Variants in SPRYD4 observed in about 807,000 individuals in gnomAD.
SPRYD4 encodes the protein SPRY domain containing 4, also known as SPRY domain-containing protein 4.
SPRYD4 carries 12 observed loss-of-function variants against 16.6 expected under a neutral mutation model. The observed-to-expected ratio is 0.72, with a 90% CI of 0.46 to 1.17. The LOEUF is 1.17. Ranked by LOEUF, SPRYD4 falls within the 50% of genes most tolerant of loss-of-function variation. The pLI is 0.00. For missense variants in SPRYD4, 260 were observed against 260.2 expected, an observed-to-expected ratio of 1.00 and a Z score of 0.00; for synonymous variants, 98 against 105.4, an observed-to-expected ratio of 0.93 and a Z score of 0.43.
At chr12:56,468,898 T>C in intron 1 of SPRYD4, 141 bp from the exon 2 acceptor site, 1 of 1,187,254 alleles carries the variant, frequency 8.4e-7, no homozygotes, top group Non-Finnish European at 1.2e-6. Context: ...TAAAGCGACC[T>C]CGCGACTCTC....
rs1232794779 is a variant in SPRYD4, at chr12:56,475,797, G to A, written c.*6220G>A. 7.5e-6 allele frequency: 10 copies of A among 1,336,296 alleles called. No individual in the cohort carries two copies. In the East Asian group the frequency reaches 2.1e-4, roughly 28 times the overall value. The allele number at this position is 1,336,296 out of a possible 1,614,324, so 82.8% of individuals were successfully genotyped here. On this transcript the variant is annotated 3_prime_UTR_variant, in exon 2 of 2. Coordinates refer to ENST00000338146, the MANE Select transcript of SPRYD4 (RefSeq NM_207344.4). ...CTTGTCAAGAGGCTTTCCTCTCTGA[G>A]GCCAGCAGATTTCCACATTTCTGGA...
In SPRYD4 at chr12:56,472,628, C is replaced by T. The variant is rs1373173074; in HGVS notation, c.*3051C>T. The T allele has an allele frequency of 3.5e-6, 5 of 1,445,106 alleles. No homozygotes were observed. The South Asian group carries it at 4.6e-5, about 13-fold the overall frequency. 89.5% of individuals were successfully genotyped at this position (1,445,106 alleles called of 1,614,324 possible). On this transcript the variant is annotated 3_prime_UTR_variant, in exon 2 of 2. Coordinates refer to ENST00000338146, the MANE Select transcript of SPRYD4 (RefSeq NM_207344.4). The stretch of plus-strand genomic sequence containing the variant: ...GCACTTAACTATTTTGTTACGCTGC[C>T]TCCTAGTAAAATCTCTGACCAGGAG...
rs1409869531 is a variant in SPRYD4, at chr12:56,474,181, C to G, written c.*4604C>G. On this transcript the variant is annotated 3_prime_UTR_variant, in exon 2 of 2. Coordinates refer to ENST00000338146, the MANE Select transcript of SPRYD4 (RefSeq NM_207344.4). Reference sequence around the variant, plus strand: ...AATCTCGGCTCAGTGCAACCTCTGCCTCCCAGGTTCAAGCACTTCTGCCTC... The same window carrying G: ...AATCTCGGCTCAGTGCAACCTCTGCGTCCCAGGTTCAAGCACTTCTGCCTC... The G allele has an allele frequency of 7.3e-6, 2 of 273,166 alleles. No homozygotes were observed. The highest frequency in any genetic ancestry group is 1.4e-5 in the Non-Finnish European group (2 of 141,306). The allele number at this position is 273,166 out of a possible 1,614,324, so 16.9% of individuals were successfully genotyped here. A position where few individuals can be genotyped will look rare whatever the true frequency, so the allele number is the denominator to read the frequency against.
At position 56,472,785 on chromosome 12, in the gene SPRYD4, T is replaced by G. The variant is rs1869410882; in HGVS notation, c.*3208T>G. The G allele has an allele frequency of 6.3e-7, 1 of 1,597,474 alleles. No homozygotes were observed. The highest frequency in any genetic ancestry group is 8.6e-7 in the Non-Finnish European group (1 of 1,164,988). ...CAAATCATACCCACATGACATTAAT[T>G]GAACTCACCTATGCCAGCTGTGCCC... On this transcript the variant is annotated 3_prime_UTR_variant, in exon 2 of 2. Coordinates refer to ENST00000338146, the MANE Select transcript of SPRYD4 (RefSeq NM_207344.4).
At position 56,473,694 on chromosome 12, in the gene SPRYD4, T is replaced by C; in HGVS notation, c.*4117T>C. ...CTTAACAAGTTTACAAATGACTGCA[T>C]GACCACAATCCACCTCAACCTTTTG... On this transcript the variant is annotated 3_prime_UTR_variant, in exon 2 of 2. Coordinates refer to ENST00000338146, the MANE Select transcript of SPRYD4 (RefSeq NM_207344.4). 3 of 1,429,918 alleles carry C rather than the reference T, an allele frequency of 2.1e-6. No individual in the cohort carries two copies. Among genetic ancestry groups the C allele is most frequent in the Non-Finnish European group, 2.8e-6 (3 of 1,069,904 alleles). 88.6% of individuals were successfully genotyped at this position (1,429,918 alleles called of 1,614,324 possible).
In SPRYD4 at chr12:56,475,082, G is replaced by A. The variant is rs766319902; in HGVS notation, c.*5505G>A. On this transcript the variant is annotated 3_prime_UTR_variant, in exon 2 of 2. Coordinates refer to ENST00000338146, the MANE Select transcript of SPRYD4 (RefSeq NM_207344.4). ...AGATAATAGCCGATGGCATAATTCCGATCCCCTGTTTCCTTCTCTGACTGG... is the reference window on the plus strand; with the variant it reads ...AGATAATAGCCGATGGCATAATTCCAATCCCCTGTTTCCTTCTCTGACTGG... 3 of 1,614,004 alleles carry A rather than the reference G, an allele frequency of 1.9e-6. No homozygotes were observed. The highest frequency in any genetic ancestry group is 1.1e-5 in the South Asian group (1 of 91,074).
In SPRYD4 at chr12:56,469,632, T is replaced by C; in HGVS notation, c.*55T>C. 1 of 1,525,668 alleles carries C rather than the reference T, an allele frequency of 6.6e-7. No individual in the cohort carries two copies. The highest frequency in any genetic ancestry group is 8.8e-7 in the Non-Finnish European group (1 of 1,135,418). 94.5% of individuals were successfully genotyped at this position (1,525,668 alleles called of 1,614,324 possible). On this transcript the variant is annotated 3_prime_UTR_variant, in exon 2 of 2. Coordinates refer to ENST00000338146, the MANE Select transcript of SPRYD4 (RefSeq NM_207344.4). ...CCTTTGGCCAGCCTCCTTTTGAAAG[T>C]GTCCGAAGCCTTTTTACTTTGCCTC...
In SPRYD4 at chr12:56,471,529, T is replaced by TGCTGCCTCAGCC. The variant is rs777249816; in HGVS notation, c.*1953_*1964dup. On this transcript the variant is annotated 3_prime_UTR_variant, in exon 2 of 2. Coordinates refer to ENST00000338146, the MANE Select transcript of SPRYD4 (RefSeq NM_207344.4). ...AGTTCTCTTTGGACAGGGCCTCAGC[T>TGCTGCCTCAGCC]GCTGCCTCAGCCTGAGTTTCAGAGA... 1.1e-5 allele frequency: 17 copies of TGCTGCCTCAGCC among 1,614,034 alleles called. No individual in the cohort carries two copies. The Admixed American group carries it at 2.8e-4, about 27-fold the overall frequency.
chr12:56,478,314 G>C lies in SPRYD4; in HGVS notation c.*8737G>C. 5 of 1,573,590 alleles carry C rather than the reference G, an allele frequency of 3.2e-6. No homozygotes were observed. The highest frequency in any genetic ancestry group is 2.6e-6 in the Non-Finnish European group (3 of 1,143,578). ...GAGATGGATGTGGAGAAGAGGAACA[G>C]AGTTGAGGTTGAGGGTCAAGAGAAT... On this transcript the variant is annotated 3_prime_UTR_variant, in exon 2 of 2. Coordinates refer to ENST00000338146, the MANE Select transcript of SPRYD4 (RefSeq NM_207344.4).
rs1358995129 is a variant in SPRYD4 at position 56,474,739 on chromosome 12, G to C, written c.*5162G>C. The C allele has an allele frequency of 6.2e-7, 1 of 1,609,048 alleles. No individual in the cohort carries two copies. The highest frequency in any genetic ancestry group is 8.5e-7 in the Non-Finnish European group (1 of 1,176,688). ...AACACAGCTATGAAAACAAAGAATA[G>C]GTGAAGATGTGACGTGAACCTGCAC... is the stretch of plus-strand genomic sequence containing the variant. On this transcript the variant is annotated 3_prime_UTR_variant, in exon 2 of 2. Coordinates refer to ENST00000338146, the MANE Select transcript of SPRYD4 (RefSeq NM_207344.4).
In SPRYD4 at chr12:56,479,390, T is replaced by C; in HGVS notation, c.*9813T>C. ...GTTTTAATGATGTGGAAAGACACTA[T>C]GTCTTGGGATATGAGAAAAAAAATA... is the stretch of plus-strand genomic sequence containing the variant. On this transcript the variant is annotated 3_prime_UTR_variant, in exon 2 of 2. Coordinates refer to ENST00000338146, the MANE Select transcript of SPRYD4 (RefSeq NM_207344.4). 2 of 539,000 alleles carry C rather than the reference T, an allele frequency of 3.7e-6. No homozygotes were observed. The highest frequency in any genetic ancestry group is 6.3e-6 in the Non-Finnish European group (2 of 319,398). The allele number at this position is 539,000 out of a possible 1,614,324, so 33.4% of individuals were successfully genotyped here. A position where few individuals can be genotyped will look rare whatever the true frequency, so the allele number is the denominator to read the frequency against.
In SPRYD4 at chr12:56,469,686, G is replaced by A. The variant is rs915470687; in HGVS notation, c.*109G>A. On this transcript the variant is annotated 3_prime_UTR_variant, in exon 2 of 2. Coordinates refer to ENST00000338146, the MANE Select transcript of SPRYD4 (RefSeq NM_207344.4). ...CAACCTCTAGCTCCCACAATTCAGT[G>A]TTGGGTCCTCTGTGCAATATCATGA... 1 of 1,085,222 alleles carries A rather than the reference G, an allele frequency of 9.2e-7. No homozygotes were observed. The highest frequency in any genetic ancestry group is 1.3e-6 in the Non-Finnish European group (1 of 773,026). 67.2% of individuals were successfully genotyped at this position (1,085,222 alleles called of 1,614,324 possible).
chr12:56,472,938 A>T lies in SPRYD4; in HGVS notation c.*3361A>T. The T allele has an allele frequency of 1.7e-6, 1 of 599,636 alleles. No homozygotes were observed. Among genetic ancestry groups the T allele is most frequent in the Non-Finnish European group, 2.9e-6 (1 of 348,894 alleles). The allele number at this position is 599,636 out of a possible 1,614,324, so 37.1% of individuals were successfully genotyped here. On this transcript the variant is annotated 3_prime_UTR_variant, in exon 2 of 2. Coordinates refer to ENST00000338146, the MANE Select transcript of SPRYD4 (RefSeq NM_207344.4). ...AGTCTCGCTCTGTCGTTCAGGCTGA[A>T]GTGTAGTGGCGCGCGGTCTTGGCTC...
At position 56,474,737 on chromosome 12, in the gene SPRYD4, T is replaced by G; in HGVS notation, c.*5160T>G. ...AGAACACAGCTATGAAAACAAAGAATAGGTGAAGATGTGACGTGAACCTGC... is the reference window on the plus strand; with the variant it reads ...AGAACACAGCTATGAAAACAAAGAAGAGGTGAAGATGTGACGTGAACCTGC... On this transcript the variant is annotated 3_prime_UTR_variant, in exon 2 of 2. Transcript: ENST00000338146. 1 of 1,608,564 alleles carries G rather than the reference T, an allele frequency of 6.2e-7. No homozygotes were observed. Among genetic ancestry groups the G allele is most frequent in the Non-Finnish European group, 8.5e-7 (1 of 1,176,410 alleles).
Position 56,469,441 on chromosome 12 carries a change from G to T in SPRYD4, c.488G>T (p.Ser163Ile). The change falls in exon 2 of 2, where the codon AGC (serine) becomes ATC (isoleucine). Residue 163 changes from serine (S) to isoleucine (I), a missense_variant. Transcript: ENST00000338146. ...CTGGAGTATGAGGCCCAGAAGCTGA[G>T]CCTGGTGGATGTGAGCCAGGTCTCT... ...LLLEYEAQKLSLVDVSQVSVV... is the reference protein window; with the variant it reads ...LLLEYEAQKLILVDVSQVSVV... The T allele has an allele frequency of 6.2e-7, 1 of 1,614,114 alleles. No homozygotes were observed. The highest frequency in any genetic ancestry group is 8.5e-7 in the Non-Finnish European group (1 of 1,180,022).
chr12:56,469,410 CT>C lies in SPRYD4; in HGVS notation c.458del (p.Leu153ArgfsTer10), dbSNP rs1869142404. The C allele has an allele frequency of 4.3e-6, 7 of 1,613,872 alleles. No individual in the cohort carries two copies. In the East Asian group the frequency reaches 1.6e-4, roughly 36 times the overall value. On this transcript the variant is annotated frameshift_variant, in exon 2 of 2. Coordinates refer to ENST00000338146, the MANE Select transcript of SPRYD4 (RefSeq NM_207344.4). LOFTEE classifies it high-confidence loss of function. Reference sequence around the variant, plus strand: ...TATTGGGCAGCCAGAGAAGGTGGGGCTGTTGCTGGAGTATGAGGCCCAGAAG... The same window carrying C: ...TATTGGGCAGCCAGAGAAGGTGGGGCGTTGCTGGAGTATGAGGCCCAGAAG... Reference protein sequence around the residue: ...EGIGQPEKVGLLLEYEAQKLS... With the variant: ...EGIGQPEKVGXLLEYEAQKLS...
Position 56,469,747 on chromosome 12 carries a change from C to A in SPRYD4, c.*170C>A. 2 of 695,148 alleles carry A rather than the reference C, an allele frequency of 2.9e-6. No individual in the cohort carries two copies. The highest frequency in any genetic ancestry group is 2.0e-5 in the South Asian group (1 of 50,150). The allele number at this position is 695,148 out of a possible 1,614,324, so 43.1% of individuals were successfully genotyped here. On this transcript the variant is annotated 3_prime_UTR_variant, in exon 2 of 2. Transcript: ENST00000338146. Reference sequence around the variant, plus strand: ...CATCCCCTACCTTGTGAAAGCTAGGCATACAGCCAAACCCTCCTTTTCCCC... The same window carrying A: ...CATCCCCTACCTTGTGAAAGCTAGGAATACAGCCAAACCCTCCTTTTCCCC...
chr12:56,473,178 C>G lies in SPRYD4; in HGVS notation c.*3601C>G. ...TGCAGGGATTACAGGCGTGAGCCAC[C>G]GCACCTGGCCTTTGAAATATTCTTA... On this transcript the variant is annotated 3_prime_UTR_variant, in exon 2 of 2. Coordinates refer to ENST00000338146, the MANE Select transcript of SPRYD4 (RefSeq NM_207344.4). 2 of 1,559,042 alleles carry G rather than the reference C, an allele frequency of 1.3e-6. No homozygotes were observed. The highest frequency in any genetic ancestry group is 1.8e-6 in the Non-Finnish European group (2 of 1,131,272).
rs1869391830 is a variant in SPRYD4 at position 56,472,618 on chromosome 12, G to A, written c.*3041G>A. On this transcript the variant is annotated 3_prime_UTR_variant, in exon 2 of 2. Coordinates refer to ENST00000338146, the MANE Select transcript of SPRYD4 (RefSeq NM_207344.4). ...CAAAGCTGAAGCACTTAACTATTTT[G>A]TTACGCTGCCTCCTAGTAAAATCTC... The A allele has an allele frequency of 7.3e-7, 1 of 1,369,406 alleles. No individual in the cohort carries two copies. The highest frequency in any genetic ancestry group is 1.2e-5 in the South Asian group (1 of 84,782). The allele number at this position is 1,369,406 out of a possible 1,614,324, so 84.8% of individuals were successfully genotyped here. A position where few individuals can be genotyped will look rare whatever the true frequency, so the allele number is the denominator to read the frequency against.
Sources: allele counts gnomAD v4.1 joint callset, GRCh38; gene constraint gnomAD v4.1.1; transcripts MANE v1.5; gene names NCBI Gene and HGNC (gene_info 2026-07-23, HGNC 2026-07-21).